Variants in CDH18 observed in about 807,000 individuals in gnomAD.
The protein encoded by CDH18 is cadherin-18.
In CDH18, 31 loss-of-function variants were observed where a neutral mutation model predicts 67.9. The ratio of observed to expected loss-of-function variants is 0.46; its 90% CI spans 0.34 to 0.62. The LOEUF (loss-of-function observed/expected upper bound fraction) is 0.62. CDH18 is among the 20% of genes least tolerant of loss of function. The probability of loss-of-function intolerance (pLI) is 0.01; values close to 1 mark genes in which losing one functional copy is unlikely to be tolerated. For missense variants in CDH18, 890 were observed against 975.5 expected, an observed-to-expected ratio of 0.91 and a Z score of 1.17; for synonymous variants, 362 against 347.2, an observed-to-expected ratio of 1.04 and a Z score of -0.48.
chr5:20,454,758 C>T (rs1405737685), intron 1 of CDH18, among the ~76,000 whole-genome samples: 2 of 152,070 alleles, frequency 1.3e-5, no homozygotes, highest in African/African-American at 4.8e-5. Context: ...TCTGTGTGCA[C>T]ACATGGGAGC....
intron 2 of CDH18, among the ~76,000 whole-genome samples, chr5:20,189,980 G>A (rs778724890): frequency 2.6e-5 from 4 of 152,104 alleles, no homozygotes; most frequent in Non-Finnish European, 5.9e-5. Flanking sequence ...GGATTGAGAT[G>A]CAGCAGATGA....
At chr5:20,348,428 G>A (rs1028690877) in intron 1 of CDH18, among the ~76,000 whole-genome samples, 1 of 152,214 alleles carries the variant, frequency 6.6e-6, no homozygotes, top group African/African-American at 2.4e-5. Context: ...GATCTGTGCA[G>A]TTTAAAAAGC....
intron 2 of CDH18, among the ~76,000 whole-genome samples, chr5:20,041,955 G>A (rs1740462764): frequency 6.6e-6 from 1 of 152,136 alleles, no homozygotes; most frequent in African/African-American, 2.4e-5. Flanking sequence ...ATTTAAAAAG[G>A]AAAAATATAT....
chr5:19,698,128 T>C (rs556148639), intron 5 of CDH18, among the ~76,000 whole-genome samples: 9 of 152,298 alleles, frequency 5.9e-5, no homozygotes, highest in African/African-American at 2.2e-4. Flanking sequence ...AAGATCTGCA[T>C]CATATGGCAA....
At chr5:20,054,234 T>C (rs1005750348) in intron 2 of CDH18, among the ~76,000 whole-genome samples, 7 of 152,132 alleles carry the variant, frequency 4.6e-5, no homozygotes, top group African/African-American at 7.2e-5. Context: ...GTTTAATAAA[T>C]GGGTGCCACT....
At chr5:19,689,881 C>A (rs973757540) in intron 5 of CDH18, among the ~76,000 whole-genome samples, 4 of 151,508 alleles carry the variant, frequency 2.6e-5, no homozygotes, top group Admixed American at 2.6e-4. Flanking sequence ...ATTCACTTCA[C>A]CTGTAGACAC....
intron 9 of CDH18, among the ~76,000 whole-genome samples, chr5:19,536,537 G>T (rs1749448589): frequency 6.6e-6 from 1 of 152,172 alleles, no homozygotes; most frequent in Admixed American, 6.5e-5. Context: ...AGACAATCAG[G>T]AAATGTGTAC....
chr5:20,401,168 C>T (rs570380281), intron 1 of CDH18, among the ~76,000 whole-genome samples: 93 of 152,118 alleles, frequency 6.1e-4, no homozygotes, highest in African/African-American at 2.1e-3. Flanking sequence ...ATAATATTCC[C>T]GATGTTGATA....
At chr5:20,271,165 T>C (rs1361305022) in intron 1 of CDH18, among the ~76,000 whole-genome samples, 2 of 151,828 alleles carry the variant, frequency 1.3e-5, no homozygotes, top group African/African-American at 4.8e-5. Context: ...AATAAATAAA[T>C]AAAATAGAAA....
chr5:20,482,174 CTAAAAAATCTA>C (rs1368018319), intron 1 of CDH18, among the ~76,000 whole-genome samples: 4 of 151,624 alleles, frequency 2.6e-5, no homozygotes, highest in Non-Finnish European at 4.4e-5. Context: ...TGCCAACCAA[CTAAAAAATCTA>C]GAAAAAATGA....
intron 5 of CDH18, among the ~76,000 whole-genome samples, chr5:19,677,955 T>TTA (rs763549066): frequency 6.5e-4 from 98 of 151,854 alleles, no homozygotes; most frequent in Non-Finnish European, 1.0e-3. Flanking sequence ...AATATATATG[T>TTA]TATATATATA....
chr5:19,625,168 C>T (rs1378063062), intron 5 of CDH18, among the ~76,000 whole-genome samples: 1 of 152,098 alleles, frequency 6.6e-6, no homozygotes, highest in African/African-American at 2.4e-5. Flanking sequence ...TGTCCTCATA[C>T]CACCCTCAGT....
At chr5:20,496,307 C>T (rs1292838142) in intron 1 of CDH18, among the ~76,000 whole-genome samples, 2 of 151,994 alleles carry the variant, frequency 1.3e-5, no homozygotes, top group East Asian at 1.9e-4. Context: ...TTCATGTTTT[C>T]GTTTAAAGGG....
At chr5:19,476,684 T>C (rs1017336172) in intron 12 of CDH18, among the ~76,000 whole-genome samples, 1 of 152,086 alleles carries the variant, frequency 6.6e-6, no homozygotes, top group Non-Finnish European at 1.5e-5. Context: ...CTGCCTAATT[T>C]ATTATAATAC....
intron 5 of CDH18, among the ~76,000 whole-genome samples, chr5:19,662,869 A>G (rs981655552): frequency 6.6e-6 from 1 of 152,074 alleles, no homozygotes; most frequent in Admixed American, 6.6e-5. Flanking sequence ...ATAAGTAGGT[A>G]GGCCTAGCTT....
chr5:20,365,213 T>C (rs1742407818), intron 1 of CDH18, among the ~76,000 whole-genome samples: 1 of 152,154 alleles, frequency 6.6e-6, no homozygotes, highest in Non-Finnish European at 1.5e-5. Flanking sequence ...GGCTGTGTGC[T>C]GTGTGTTCCC....
intron 5 of CDH18, among the ~76,000 whole-genome samples, chr5:19,623,223 G>T (rs1301823779): frequency 2.0e-5 from 3 of 152,162 alleles, no homozygotes; most frequent in Non-Finnish European, 4.4e-5. Context: ...GAAGGAAAAT[G>T]AACCTGACCT....
At chr5:20,285,590 A>T (rs1746638790) in intron 1 of CDH18, among the ~76,000 whole-genome samples, 1 of 151,436 alleles carries the variant, frequency 6.6e-6, no homozygotes, top group African/African-American at 2.4e-5. Flanking sequence ...AAGAACACTG[A>T]TAATTTCTAA....
intron 1 of CDH18, among the ~76,000 whole-genome samples, chr5:20,531,262 A>G (rs2217323): frequency 0.69 from 104,459 of 151,914 alleles, 36,490 homozygotes; most frequent in East Asian, 0.97. Flanking sequence ...AGGTTGTGGA[A>G]AAATAGGAAT....
Sources: gnomAD v4.1 joint callset for allele counts (sites outside exome capture counted in the v4.1 genomes callset) on GRCh38, gnomAD v4.1.1 for gene constraint, MANE v1.5 for transcripts, NCBI Gene and HGNC (gene_info 2026-07-23, HGNC 2026-07-21) for gene names.